The following NTAQ1 variants were observed in gnomAD, a reference collection of about 807,000 sequenced individuals.
The protein encoded by NTAQ1 is N-terminal glutamine amidase 1.
A neutral mutation model predicts 28.2 loss-of-function variants in NTAQ1; 21 were observed. The ratio of observed to expected loss-of-function variants is 0.74; its 90% CI spans 0.53 to 1.07. NTAQ1 has a LOEUF of 1.07. Among genes scored for constraint, NTAQ1 ranks in the 50% least tolerant of loss-of-function variants. The probability of loss-of-function intolerance (pLI) is 0.00; values close to 1 mark genes in which losing one functional copy is unlikely to be tolerated. For synonymous variants in NTAQ1, 105 were observed against 90.0 expected, an observed-to-expected ratio of 1.17 and a Z score of -0.94; for missense variants, 264 against 256.6, an observed-to-expected ratio of 1.03 and a Z score of -0.20.
At chr8:123,457,867 C>G (rs753864496) in intron 6 of NTAQ1, among the ~76,000 whole-genome samples, 6 of 151,510 alleles carry the variant, frequency 4.0e-5, no homozygotes, top group African/African-American at 1.2e-4. Flanking sequence ...AACTGCATCT[C>G]TGCTAAAAAC....
downstream of NTAQ1, among the ~76,000 whole-genome samples, chr8:123,445,194 G>C (rs1316215539): frequency 6.6e-6 from 1 of 151,676 alleles, no homozygotes; most frequent in Non-Finnish European, 1.5e-5. Flanking sequence ...CTCTTTTTCA[G>C]GTTATTTTGT....
intron 1 of NTAQ1, among the ~76,000 whole-genome samples, chr8:123,417,740 A>C (rs1320066883): frequency 6.6e-6 from 1 of 152,158 alleles, no homozygotes; most frequent in East Asian, 1.9e-4. Flanking sequence ...CCAAGAGCTT[A>C]ACATTTGTTC....
chr8:123,461,862 C>T (rs186628813), intron 6 of NTAQ1, among the ~76,000 whole-genome samples: 209 of 152,150 alleles, frequency 1.4e-3, no homozygotes, highest in Middle Eastern at 3.4e-3. Flanking sequence ...TGACATGGGG[C>T]ACAAGAGTGA....
chr8:123,464,685 G>T (rs1438533128), intron 6 of NTAQ1, among the ~76,000 whole-genome samples: 1 of 152,194 alleles, frequency 6.6e-6, no homozygotes, highest in Non-Finnish European at 1.5e-5. Flanking sequence ...GACACAGAGG[G>T]CTGGGTTTGG....
chr8:123,431,104 G>A (rs1430673298), intron 3 of NTAQ1, among the ~76,000 whole-genome samples: 2 of 152,138 alleles, frequency 1.3e-5, no homozygotes, highest in South Asian at 4.1e-4. Context: ...TTGGGAGGCC[G>A]AGGTGGGTGG....
At chr8:123,449,269 T>C (rs11998220), downstream of NTAQ1, among the ~76,000 whole-genome samples, 55,115 of 152,048 alleles carry the variant, frequency 0.36, 10,104 homozygotes, top group East Asian at 0.56. Context: ...AGGCTGTGGT[T>C]TGGATTCTCT....
chr8:123,446,838 A>G (rs1815311606), downstream of NTAQ1, among the ~76,000 whole-genome samples: 1 of 152,196 alleles, frequency 6.6e-6, no homozygotes, highest in Admixed American at 6.6e-5. Context: ...TAGAAGCTGG[A>G]CATCCTAAGT....
intron 1 of NTAQ1, among the ~76,000 whole-genome samples, chr8:123,425,373 T>C (rs1813986274): frequency 1.3e-5 from 2 of 152,022 alleles, no homozygotes; most frequent in Admixed American, 1.3e-4. Flanking sequence ...ATTACAGACG[T>C]AAGCCACCAT....
chr8:123,451,767 A>G (rs142090796), downstream of NTAQ1, among the ~76,000 whole-genome samples: 5 of 152,330 alleles, frequency 3.3e-5, no homozygotes, highest in Non-Finnish European at 7.4e-5. Context: ...CAAGCATTCA[A>G]TAAAGGAACA....
intron 2 of NTAQ1, 125 bp downstream of exon 2, chr8:123,428,148 T>C: frequency 3.2e-6 from 2 of 616,188 alleles, no homozygotes; most frequent in Non-Finnish European, 2.7e-6. Context: ...CTTTATTAAA[T>C]ACAGCAACAT....
chr8:123,440,970 T>C (rs1176515635), intron 5 of NTAQ1, among the ~76,000 whole-genome samples: 2 of 152,180 alleles, frequency 1.3e-5, no homozygotes, highest in African/African-American at 2.4e-5. Flanking sequence ...CACCGCTTCT[T>C]GGTGCTTCTT....
chr8:123,431,667 G>A (rs1814403617), intron 3 of NTAQ1, among the ~76,000 whole-genome samples: 1 of 152,176 alleles, frequency 6.6e-6, no homozygotes, highest in Admixed American at 6.5e-5. Context: ...CTGGAGTTAG[G>A]CATACTGGGT....
rs1368165781 is a variant in NTAQ1 at position 123,436,182 on chromosome 8, A to AAG, written c.235-270_235-269insGA. ...AAGACTCCATCTCAAAAAAAAAAAA[A>AAG]AAAAAAAAGTTTCCTAGAGGTAAAA... On this transcript the variant is annotated intron_variant, in intron 3 of 5. Coordinates refer to ENST00000287387, the MANE Select transcript of NTAQ1 (RefSeq NM_018024.3). Among the ~76,000 whole-genome samples, 3 of 151,936 alleles carry AAG rather than the reference A, an allele frequency of 2.0e-5. No individual in the cohort carries two copies. The East Asian group carries it at 5.8e-4, about 29-fold the overall frequency.
downstream of NTAQ1, among the ~76,000 whole-genome samples, chr8:123,449,950 C>CAT (rs529123810): frequency 0.076 from 3,237 of 42,862 alleles, 710 homozygotes; most frequent in African/African-American, 0.18. Context: ...TGTGTGTGTG[C>CAT]ATATATATAT....
rs991045721 is a variant in NTAQ1, at chr8:123,416,775, C to G, written c.-75C>G. On this transcript the variant is annotated 5_prime_UTR_variant, in exon 1 of 6. Coordinates refer to ENST00000287387, the MANE Select transcript of NTAQ1 (RefSeq NM_018024.3). ...CCACGCCGGGAACCCACGCGGGCCACTACAAGCCCGCCCTTTCCTACGTCT... is the reference window on the plus strand; with the variant it reads ...CCACGCCGGGAACCCACGCGGGCCAGTACAAGCCCGCCCTTTCCTACGTCT... The G allele has an allele frequency of 2.8e-6, 4 of 1,425,894 alleles. No individual in the cohort carries two copies. Among genetic ancestry groups the G allele is most frequent in the Non-Finnish European group, 3.7e-6 (4 of 1,079,396 alleles). 88.3% of individuals were successfully genotyped at this position (1,425,894 alleles called of 1,614,324 possible). A position where few individuals can be genotyped will look rare whatever the true frequency, so the allele number is the denominator to read the frequency against.
chr8:123,447,202 TA>T (rs1003584145), downstream of NTAQ1, among the ~76,000 whole-genome samples: 4 of 152,128 alleles, frequency 2.6e-5, no homozygotes, highest in East Asian at 1.9e-4. Context: ...TGCTTACTAT[TA>T]AAAAAAATTA....
chr8:123,449,486 T>A (rs112786692), downstream of NTAQ1, among the ~76,000 whole-genome samples: 2,821 of 152,198 alleles, frequency 0.019, 96 homozygotes, highest in African/African-American at 0.064. Flanking sequence ...GAGGCTGAAG[T>A]GGGCAGATCA....
Position 123,416,826 on chromosome 8 carries a change from G to C in NTAQ1, c.-24G>C. 5 of 1,521,658 alleles carry C rather than the reference G, an allele frequency of 3.3e-6. No homozygotes were observed. The highest frequency in any genetic ancestry group is 2.1e-5 in the Admixed American group (1 of 48,404). The allele number at this position is 1,521,658 out of a possible 1,614,324, so 94.3% of individuals were successfully genotyped here. ...GGTCCAGTCGGTCTTCCTCCGGCCC[G>C]GGCCCTGGCCCAGCTAGCCGGCCAT... is the stretch of plus-strand genomic sequence containing the variant. On this transcript the variant is annotated 5_prime_UTR_variant, in exon 1 of 6. Transcript: ENST00000287387.
At chr8:123,471,450 A>G (rs533368385), downstream of NTAQ1, among the ~76,000 whole-genome samples, 7 of 152,324 alleles carry the variant, frequency 4.6e-5, no homozygotes, top group African/African-American at 1.7e-4. Context: ...AAATAAATTT[A>G]TTATAAGGAG....
Sources: gnomAD v4.1 joint callset for allele counts (sites outside exome capture counted in the v4.1 genomes callset) on GRCh38, gnomAD v4.1.1 for gene constraint, MANE v1.5 for transcripts, NCBI Gene and HGNC (gene_info 2026-07-23, HGNC 2026-07-21) for gene names.